The following SLC24A3 variants were observed in gnomAD, a reference collection of about 807,000 sequenced individuals.
The protein encoded by SLC24A3 is solute carrier family 24 member 3.
SLC24A3 carries 28 observed loss-of-function variants against 75.8 expected under a neutral mutation model. That is an observed-to-expected ratio of 0.37 (90% CI 0.27 to 0.51). The LOEUF (loss-of-function observed/expected upper bound fraction) is 0.51, where lower values mean the gene tolerates loss of function less well. Among genes scored for constraint, SLC24A3 ranks in the 20% least tolerant of loss-of-function variants. The pLI is 0.94. For missense variants in SLC24A3, 663 were observed against 847.8 expected, an observed-to-expected ratio of 0.78 and a Z score of 2.71; for synonymous variants, 372 against 334.1, an observed-to-expected ratio of 1.11 and a Z score of -1.24.
At chr20:19,549,300 T>C (rs1181803760) in intron 3 of SLC24A3, among the ~76,000 whole-genome samples, 1 of 152,226 alleles carries the variant, frequency 6.6e-6, no homozygotes, top group Non-Finnish European at 1.5e-5. Context: ...ACCTCTACCA[T>C]GACTGAATTT....
At chr20:19,298,015 A>T (rs1984100226) in intron 2 of SLC24A3, among the ~76,000 whole-genome samples, 1 of 152,226 alleles carries the variant, frequency 6.6e-6, no homozygotes, top group South Asian at 2.1e-4. Context: ...TATGACAGTA[A>T]GTGGGAGGAG....
intron 3 of SLC24A3, among the ~76,000 whole-genome samples, chr20:19,573,802 A>AG (rs1356805656): frequency 1.3e-5 from 2 of 152,228 alleles, no homozygotes; most frequent in Non-Finnish European, 2.9e-5. Flanking sequence ...GGCCATGACT[A>AG]GATCCAAGAA....
intron 2 of SLC24A3, among the ~76,000 whole-genome samples, chr20:19,341,962 A>G (rs1985282451): frequency 6.6e-6 from 1 of 152,180 alleles, no homozygotes; most frequent in Non-Finnish European, 1.5e-5. Context: ...TACAATACCT[A>G]TTTTTGAAGT....
In SLC24A3 at chr20:19,219,824, A is replaced by G. The variant is rs111503293; in HGVS notation, c.142+6840A>G. 7.9e-5 allele frequency among the ~76,000 whole-genome samples: 12 copies of G among 152,348 alleles called. 1 individual carries two copies. Among genetic ancestry groups the G allele is most frequent in the African/African-American group, 2.9e-4 (12 of 41,582 alleles). On this transcript the variant is annotated intron_variant, in intron 1 of 16. Transcript: ENST00000328041. Reference sequence around the variant, plus strand: ...AAAGTAAATTAAAACATGGGCTCACATCAAGGGTTTGTACAGATTCTGGAG... The same window carrying G: ...AAAGTAAATTAAAACATGGGCTCACGTCAAGGGTTTGTACAGATTCTGGAG...
At chr20:19,636,359 A>T (rs1323174858) in intron 6 of SLC24A3, among the ~76,000 whole-genome samples, 6 of 152,192 alleles carry the variant, frequency 3.9e-5, no homozygotes, top group Admixed American at 3.3e-4. Context: ...TAAATGGATC[A>T]GTTGGTCCTT....
chr20:19,383,649 G>A (rs1314781174), intron 2 of SLC24A3, among the ~76,000 whole-genome samples: 1 of 152,088 alleles, frequency 6.6e-6, no homozygotes, highest in East Asian at 1.9e-4. Context: ...TTGGTCAGTT[G>A]GGGCTGCTAT....
intron 2 of SLC24A3, among the ~76,000 whole-genome samples, chr20:19,382,279 G>A (rs1986196056): frequency 6.6e-6 from 1 of 152,180 alleles, no homozygotes; most frequent in African/African-American, 2.4e-5. Flanking sequence ...CAGCGTGATA[G>A]TGCACAATGC....
rs1209630639 is a variant in SLC24A3, at chr20:19,368,674, A to G, written c.271+87587A>G. On this transcript the variant is annotated intron_variant, in intron 2 of 16. Coordinates refer to ENST00000328041, the MANE Select transcript of SLC24A3 (RefSeq NM_020689.4). ...ACCTCTCTCCCTGGGGCAGGCAGCC[A>G]TGACAACCATTGGCCCCAATACCCA... is the stretch of plus-strand genomic sequence containing the variant. Among the ~76,000 whole-genome samples the G allele has an allele frequency of 2.6e-5, 4 of 152,338 alleles. No homozygotes were observed. The South Asian group carries it at 6.2e-4, about 24-fold the overall frequency.
intron 2 of SLC24A3, among the ~76,000 whole-genome samples, chr20:19,401,081 G>A (rs1248668352): frequency 1.3e-5 from 2 of 152,102 alleles, no homozygotes; most frequent in Non-Finnish European, 2.9e-5. Context: ...CTGGCATTTG[G>A]TAAGCTCCCC....
At chr20:19,640,672 C>G (rs11698221) in intron 6 of SLC24A3, among the ~76,000 whole-genome samples, 10,120 of 152,182 alleles carry the variant, frequency 0.066, 638 homozygotes, top group African/African-American at 0.16. Context: ...ATCACTTCAA[C>G]CCGGGAGGCG....
At chr20:19,628,648 A>G (rs2031896724) in intron 6 of SLC24A3, among the ~76,000 whole-genome samples, 2 of 152,122 alleles carry the variant, frequency 1.3e-5, no homozygotes, top group South Asian at 4.2e-4. Context: ...GAAACAGCAC[A>G]CTTTTGATAC....
chr20:19,281,397 G>T (rs1225631104), intron 2 of SLC24A3, among the ~76,000 whole-genome samples: 1 of 152,174 alleles, frequency 6.6e-6, no homozygotes, highest in African/African-American at 2.4e-5. Context: ...GATGGGTGAG[G>T]ATATTTTGTG....
At chr20:19,602,807 ACTCT>A (rs2031544442) in intron 6 of SLC24A3, among the ~76,000 whole-genome samples, 1 of 151,828 alleles carries the variant, frequency 6.6e-6, no homozygotes, top group Non-Finnish European at 1.5e-5. Flanking sequence ...GGAGTCCCTG[ACTCT>A]CTCTCTGCGC....
chr20:19,585,612 G>A, intron 6 of SLC24A3, 68 bp downstream of exon 6: 2 of 1,454,914 alleles, frequency 1.4e-6, no homozygotes, highest in Middle Eastern at 2.0e-4. Context: ...TGGAGTTTAG[G>A]CAGGAGACTG....
At chr20:19,535,593 A>G (rs999207680) in intron 3 of SLC24A3, among the ~76,000 whole-genome samples, 1 of 152,216 alleles carries the variant, frequency 6.6e-6, no homozygotes, top group Non-Finnish European at 1.5e-5. Context: ...TGTGATTTTC[A>G]AGCCAAAGAG....
chr20:19,550,834 T>A (rs2030681650), intron 3 of SLC24A3, among the ~76,000 whole-genome samples: 1 of 152,074 alleles, frequency 6.6e-6, no homozygotes, highest in South Asian at 2.1e-4. Flanking sequence ...TAAGGAACCA[T>A]ATTGAAGAAA....
rs1050219526 is a variant in SLC24A3 at position 19,679,469 on chromosome 20, G to A, written c.768-2389G>A. Among the ~76,000 whole-genome samples the A allele has an allele frequency of 8.5e-5, 12 of 140,660 alleles. No individual in the cohort carries two copies. In the South Asian group the frequency reaches 2.2e-3, roughly 25 times the overall value. 92.3% of individuals were successfully genotyped at this position (140,660 alleles called of 152,430 possible). A position where few individuals can be genotyped will look rare whatever the true frequency, so the allele number is the denominator to read the frequency against. On this transcript the variant is annotated intron_variant, in intron 9 of 16. Coordinates refer to ENST00000328041, the MANE Select transcript of SLC24A3 (RefSeq NM_020689.4). ...ATGGCAGCAGTACAGTCCAGCTTCG[G>A]CTCGGCATCAGAGGGAGACCGTGGA...
chr20:19,377,063 C>T (rs907442928), intron 2 of SLC24A3, among the ~76,000 whole-genome samples: 10 of 152,122 alleles, frequency 6.6e-5, no homozygotes, highest in Non-Finnish European at 1.3e-4. Flanking sequence ...GCCAGGGCTG[C>T]CTACTTGGGA....
chr20:19,635,180 G>A (rs549451793), intron 6 of SLC24A3, among the ~76,000 whole-genome samples: 3 of 152,314 alleles, frequency 2.0e-5, no homozygotes, highest in Admixed American at 6.5e-5. Flanking sequence ...TACACAAAGG[G>A]GAGGGATGAG....
Sources: gnomAD v4.1 joint callset for allele counts (sites outside exome capture counted in the v4.1 genomes callset) on GRCh38, gnomAD v4.1.1 for gene constraint, MANE v1.5 for transcripts, NCBI Gene and HGNC (gene_info 2026-07-23, HGNC 2026-07-21) for gene names.